Variants in ERBIN observed in about 807,000 individuals in gnomAD.
ERBIN encodes erbb2 interacting protein.
A neutral mutation model predicts 158.4 loss-of-function variants in ERBIN; 60 were observed. The ratio of observed to expected loss-of-function variants is 0.38; its 90% confidence interval spans 0.31 to 0.47. ERBIN has a LOEUF of 0.47. ERBIN is among the 20% of genes least tolerant of loss of function. ERBIN has a pLI of 0.99. For missense variants in ERBIN, 1,610 were observed against 1,648.0 expected, an observed-to-expected ratio of 0.98 and a Z score of 0.40; for synonymous variants, 594 against 557.2, an observed-to-expected ratio of 1.07 and a Z score of -0.93.
At position 66,044,279 on chromosome 5, in the gene ERBIN, A is replaced by C. The variant is rs1328305017; in HGVS notation, c.1571A>C (p.Gln524Pro). The C allele has an allele frequency of 4.4e-6, 7 of 1,602,428 alleles. No homozygotes were observed. Among genetic ancestry groups the C allele is most frequent in the Non-Finnish European group, 5.9e-6 (7 of 1,177,098 alleles). Reference protein sequence around the residue: ...SGRDLKPHEDQQDINKDVGVK... With the variant: ...SGRDLKPHEDPQDINKDVGVK... The stretch of plus-strand genomic sequence containing the variant: ...AGAGATTTGAAACCACATGAAGATC[A>C]ACAAGATATAAATAAAGATGTGGGT... Residue 524 changes from glutamine (Q) to proline (P), a missense_variant, in exon 17 of 26, where the codon CAA (glutamine) becomes CCA (proline). Gln to Pro is a moderately conservative substitution (Grantham distance 76). This residue lies in a region of ERBIN where 596 missense variants were observed against 711.9 expected (regional missense o/e 0.84). Transcript: ENST00000284037.
chr5:65,933,110 C>T (rs1438936443), intron 1 of ERBIN, among the ~76,000 whole-genome samples: 3 of 152,062 alleles, frequency 2.0e-5, no homozygotes, highest in Non-Finnish European at 4.4e-5. Flanking sequence ...GTTTTCTAGC[C>T]CTATTTTTGG....
chr5:65,981,017 CCT>C (rs767858931), intron 1 of ERBIN, among the ~76,000 whole-genome samples: 6 of 152,180 alleles, frequency 3.9e-5, no homozygotes, highest in Non-Finnish European at 7.3e-5. Flanking sequence ...ACACGTGGAA[CCT>C]CTCACTAAGA....
rs1762285267 is a variant in ERBIN, at chr5:66,079,546, T to C, written c.*1016T>C. On this transcript the variant is annotated 3_prime_UTR_variant, in exon 26 of 26. Coordinates refer to ENST00000284037, the MANE Select transcript of ERBIN (RefSeq NM_001253697.2). ...CGAAGGTTTAGGAAAGCCTCTTTGA[T>C]TTTTGTTTGGCCTTGCATTGCCTTG... The C allele has an allele frequency of 6.6e-6, 1 of 152,622 alleles. No individual in the cohort carries two copies. The highest frequency in any genetic ancestry group is 2.4e-5 in the African/African-American group (1 of 41,440). The allele number at this position is 152,622 out of a possible 1,614,324, so 9.5% of individuals were successfully genotyped here.
At chr5:65,942,355 GAAT>G (rs1389539525) in intron 1 of ERBIN, among the ~76,000 whole-genome samples, 1 of 152,100 alleles carries the variant, frequency 6.6e-6, no homozygotes, top group African/African-American at 2.4e-5. Context: ...AGTTTCTTTA[GAAT>G]AATACTATTT....
chr5:66,050,972 T>C lies in ERBIN; in HGVS notation c.2087+6T>C. 6.3e-7 allele frequency: 1 copy of C among 1,585,748 alleles called. No homozygotes were observed. The highest frequency in any genetic ancestry group is 8.6e-7 in the Non-Finnish European group (1 of 1,166,260). ...GATATTAATTCCAAAATCAGGTGTG[T>C]GAACCTCTTTTACAGTTTTTTATTT... On this transcript the variant is annotated splice_donor_region_variant and intron_variant, in intron 20 of 25. Coordinates refer to ENST00000284037, the MANE Select transcript of ERBIN (RefSeq NM_001253697.2).
At chr5:66,045,067 A>C (rs114135674) in intron 17 of ERBIN, among the ~76,000 whole-genome samples, 323 of 152,046 alleles carry the variant, frequency 2.1e-3, no homozygotes, top group Non-Finnish European at 3.0e-3. Context: ...AAATTTTAAA[A>C]ATTATCTGGG....
At chr5:65,967,058 G>GC (rs1331939461) in intron 1 of ERBIN, among the ~76,000 whole-genome samples, 1 of 152,022 alleles carries the variant, frequency 6.6e-6, no homozygotes, top group Non-Finnish European at 1.5e-5. Context: ...GATCCCTTGA[G>GC]CCCAGGAGTT....
rs552024406 is a variant in ERBIN, at chr5:66,024,618, A to G, written c.817+168A>G. On this transcript the variant is annotated intron_variant, in intron 10 of 25. Coordinates refer to ENST00000284037, the MANE Select transcript of ERBIN (RefSeq NM_001253697.2). ...AGTTGTACAGTTTGCTCCTTTGTTG[A>G]CATTACTGTTTTTTATTTACTCTAA... Among the ~76,000 whole-genome samples, 39 of 152,202 alleles carry G rather than the reference A, an allele frequency of 2.6e-4. No individual in the cohort carries two copies. In the East Asian group the frequency reaches 7.3e-3, roughly 29 times the overall value.
intron 8 of ERBIN, among the ~76,000 whole-genome samples, chr5:66,022,634 G>C (rs1289904860): frequency 6.6e-6 from 1 of 152,142 alleles, no homozygotes; most frequent in Non-Finnish European, 1.5e-5. Flanking sequence ...CAATGCCCAG[G>C]AGCAAATTTT....
chr5:66,057,339 AACTG>A (rs1759699367), intron 21 of ERBIN, among the ~76,000 whole-genome samples: 1 of 152,172 alleles, frequency 6.6e-6, no homozygotes, highest in African/African-American at 2.4e-5. Flanking sequence ...ACATATAACT[AACTG>A]CTAAATAAGT....
intron 21 of ERBIN, among the ~76,000 whole-genome samples, chr5:66,057,658 G>C (rs1561438444): frequency 6.6e-6 from 1 of 150,684 alleles, no homozygotes; most frequent in African/African-American, 2.4e-5. Flanking sequence ...CCATTAACTC[G>C]TCATTTAGCA....
At position 66,079,187 on chromosome 5, in the gene ERBIN, G is replaced by A. The variant is rs1762261253; in HGVS notation, c.*657G>A. 6.6e-6 allele frequency: 1 copy of A among 152,624 alleles called. No individual in the cohort carries two copies. The highest frequency in any genetic ancestry group is 1.5e-5 in the Non-Finnish European group (1 of 68,040). The allele number at this position is 152,624 out of a possible 1,614,324, so 9.5% of individuals were successfully genotyped here. A position where few individuals can be genotyped will look rare whatever the true frequency, so the allele number is the denominator to read the frequency against. ...AGAATAATGCAATAAAATATGTAATGTCTTTTTTATAAAGCAAAAAAGACA... is the reference window on the plus strand; with the variant it reads ...AGAATAATGCAATAAAATATGTAATATCTTTTTTATAAAGCAAAAAAGACA... On this transcript the variant is annotated 3_prime_UTR_variant, in exon 26 of 26. Coordinates refer to ENST00000284037, the MANE Select transcript of ERBIN (RefSeq NM_001253697.2).
At chr5:66,061,579 T>C (rs941156514) in intron 21 of ERBIN, among the ~76,000 whole-genome samples, 16 of 152,248 alleles carry the variant, frequency 1.1e-4, no homozygotes, top group Non-Finnish European at 5.9e-5. Flanking sequence ...AATTTGATCC[T>C]GTCATTATGA....
intron 13 of ERBIN, among the ~76,000 whole-genome samples, chr5:66,027,630 A>G (rs1404990923): frequency 6.6e-6 from 1 of 152,066 alleles, no homozygotes; most frequent in Non-Finnish European, 1.5e-5. Context: ...AATAGGTATT[A>G]TAAGTACTCT....
chr5:66,061,197 C>A (rs1760258658), intron 21 of ERBIN, among the ~76,000 whole-genome samples: 3 of 152,006 alleles, frequency 2.0e-5, no homozygotes, highest in South Asian at 4.1e-4. Flanking sequence ...TTTGTAGGTC[C>A]CTAAGGACTT....
At chr5:66,012,215 T>A (rs1282224355) in intron 5 of ERBIN, 88 bp downstream of exon 5, 1 of 846,572 alleles carries the variant, frequency 1.2e-6, no homozygotes, top group Non-Finnish European at 1.8e-6. Flanking sequence ...TTAACAAAAA[T>A]TTTATATCAA....
intron 1 of ERBIN, among the ~76,000 whole-genome samples, chr5:65,981,418 CAATG>C (rs1219659058): frequency 6.6e-5 from 10 of 151,898 alleles, no homozygotes; most frequent in African/African-American, 2.4e-4. Flanking sequence ...AAGCAGAAAT[CAATG>C]AAACAGAAAG....
At chr5:65,941,127 T>C (rs888173222) in intron 1 of ERBIN, among the ~76,000 whole-genome samples, 1 of 151,960 alleles carries the variant, frequency 6.6e-6, no homozygotes, top group Non-Finnish European at 1.5e-5. Flanking sequence ...AGCATGCTCA[T>C]TAAGAGTCAT....
chr5:66,068,893 C>A lies in ERBIN; in HGVS notation c.3634-3276C>A, dbSNP rs1761271447. The stretch of plus-strand genomic sequence containing the variant: ...TTTATTCAGAGCATGCTGTCAAGGT[C>A]CTTTAATTCCAATTTTACTACTGTA... On this transcript the variant is annotated intron_variant, in intron 21 of 25. Coordinates refer to ENST00000284037, the MANE Select transcript of ERBIN (RefSeq NM_001253697.2). 1.3e-6 allele frequency: 2 copies of A among 1,535,010 alleles called. No individual in the cohort carries two copies. Among genetic ancestry groups the A allele is most frequent in the African/African-American group, 2.7e-5 (2 of 73,014 alleles).
Sources: allele counts gnomAD v4.1 joint callset (sites outside exome capture counted in the v4.1 genomes callset), GRCh38; gene constraint gnomAD v4.1.1; regional missense constraint gnomAD v4.1.1; transcripts MANE v1.5; gene names NCBI Gene and HGNC (gene_info 2026-07-23, HGNC 2026-07-21).